Variants in AGAP1 observed in about 807,000 individuals in gnomAD.
AGAP1 encodes arf-GAP with GTPase, ANK repeat and PH domain-containing protein 1.
Under a neutral mutation model 105.3 loss-of-function variants are expected in AGAP1, and 29 were observed. That is an observed-to-expected ratio of 0.28 (90% CI 0.21 to 0.38). The LOEUF (loss-of-function observed/expected upper bound fraction) is 0.38. Ranked by LOEUF, AGAP1 falls within the 10% of genes least tolerant of loss-of-function variation. The probability of loss-of-function intolerance (pLI) is 1.00; values close to 1 mark genes in which losing one functional copy is unlikely to be tolerated. For synonymous variants in AGAP1, 509 were observed against 485.9 expected (o/e 1.05, Z -0.63); for missense variants, 998 against 1,165.1 (o/e 0.86, Z 2.09).
At chr2:236,084,062 GCT>G (rs1378392405) in intron 16 of AGAP1, among the ~76,000 whole-genome samples, 2 of 152,130 alleles carry the variant, frequency 1.3e-5, no homozygotes, top group African/African-American at 2.4e-5. Flanking sequence ...GAGGATTGGC[GCT>G]CTCTGTTCAG....
intron 1 of AGAP1, among the ~76,000 whole-genome samples, chr2:235,672,169 G>A (rs1283106436): frequency 2.0e-5 from 3 of 152,186 alleles, no homozygotes; most frequent in African/African-American, 7.2e-5. Context: ...CCCACCTCTG[G>A]AGAGGGTATT....
intron 1 of AGAP1, among the ~76,000 whole-genome samples, chr2:235,644,800 A>G (rs1228981386): frequency 6.6e-6 from 1 of 152,184 alleles, no homozygotes; most frequent in Non-Finnish European, 1.5e-5. Flanking sequence ...TTGACGCTAT[A>G]GCAATATTAT....
intron 12 of AGAP1, 122 bp from the exon 13 acceptor site, chr2:235,968,340 G>A: frequency 7.8e-7 from 1 of 1,289,038 alleles, no homozygotes; most frequent in Non-Finnish European, 1.0e-6. Context: ...GTAATGGGAT[G>A]TTATTTGCAG....
Position 235,603,385 on chromosome 2 carries a change from C to A in AGAP1, c.164-105794C>A, listed in dbSNP as rs904784900. On this transcript the variant is annotated intron_variant, in intron 1 of 17. Transcript: ENST00000304032. ...GCAGCATGAAAAACGAACTAAGGCA[C>A]CTACTGTATTTGTTTTCTTGTCTGT... 2.0e-5 allele frequency among the ~76,000 whole-genome samples: 3 copies of A among 152,268 alleles called. No homozygotes were observed. In the East Asian group the frequency reaches 5.8e-4, roughly 29 times the overall value.
At chr2:235,589,171 A>C (rs1026443869) in intron 1 of AGAP1, among the ~76,000 whole-genome samples, 1 of 135,800 alleles carries the variant, frequency 7.4e-6, no homozygotes, top group Non-Finnish European at 1.6e-5. Flanking sequence ...TTTGAGAACT[A>C]CCAGTTAATA....
chr2:235,888,379 G>A lies in AGAP1; in HGVS notation c.1155+4930G>A, dbSNP rs1321293884. Among the ~76,000 whole-genome samples, 1 of 152,056 alleles carries A rather than the reference G, an allele frequency of 6.6e-6. No homozygotes were observed. Among genetic ancestry groups the A allele is most frequent in the Non-Finnish European group, 1.5e-5 (1 of 68,012 alleles). The stretch of plus-strand genomic sequence containing the variant: ...CTGTGTGGGATAGGAGGGTCTAGAA[G>A]GCTCGACTCCCCTCCTAGGGCTGCT... On this transcript the variant is annotated intron_variant, in intron 10 of 17. Transcript: ENST00000304032. This position sits in a 1 kb window ranked among gnomAD's most constrained non-coding sequence, Gnocchi z 4.8.
At chr2:235,794,252 T>G (rs1285141994) in intron 6 of AGAP1, among the ~76,000 whole-genome samples, 1 of 152,092 alleles carries the variant, frequency 6.6e-6, no homozygotes, top group Non-Finnish European at 1.5e-5. Context: ...AATTTTAAAA[T>G]TATAGAGGAA....
chr2:235,710,288 A>G (rs988668701), intron 2 of AGAP1, among the ~76,000 whole-genome samples: 1 of 152,226 alleles, frequency 6.6e-6, no homozygotes, highest in African/African-American at 2.4e-5. Context: ...TAGAGCAACA[A>G]AGAACTTCTA....
chr2:235,717,799 T>A (rs528504338), intron 3 of AGAP1, among the ~76,000 whole-genome samples, 155 bp downstream of exon 3: 1 of 152,374 alleles, frequency 6.6e-6, no homozygotes, highest in African/African-American at 2.4e-5. Context: ...GTTTCTTCTG[T>A]AGTATTTTTA....
chr2:236,086,082 C>G (rs1392001401), intron 16 of AGAP1, among the ~76,000 whole-genome samples: 1 of 152,244 alleles, frequency 6.6e-6, no homozygotes, highest in Non-Finnish European at 1.5e-5. Flanking sequence ...TCCTACTGCC[C>G]TTTTCCCCCC....
At chr2:236,100,767 C>T (rs2059326265) in intron 16 of AGAP1, among the ~76,000 whole-genome samples, 1 of 151,228 alleles carries the variant, frequency 6.6e-6, no homozygotes, top group African/African-American at 2.4e-5. Context: ...GAAGCGGAGG[C>T]TGCAGTGAGC....
rs1575644427 is a variant in AGAP1, at chr2:235,864,573, G to A, written c.1051-18772G>A. Among the ~76,000 whole-genome samples the A allele has an allele frequency of 6.6e-6, 1 of 152,300 alleles. No individual in the cohort carries two copies. Among genetic ancestry groups the A allele is most frequent in the Middle Eastern group, 3.4e-3 (1 of 294 alleles). On this transcript the variant is annotated intron_variant, in intron 9 of 17. Transcript: ENST00000304032. This position sits in a 1 kb window ranked among gnomAD's most constrained non-coding sequence, Gnocchi z 5.0. Reference sequence around the variant, plus strand: ...GCATGGAGGGGCAGCCTGCAGAGGTGTCACCAGCAGCCATTAAGTGCAGAT... The same window carrying A: ...GCATGGAGGGGCAGCCTGCAGAGGTATCACCAGCAGCCATTAAGTGCAGAT...
At chr2:235,686,773 C>T (rs1949472668) in intron 1 of AGAP1, among the ~76,000 whole-genome samples, 1 of 149,756 alleles carries the variant, frequency 6.7e-6, no homozygotes. Context: ...CCCACCTTAG[C>T]CACCCAAGTA....
At chr2:236,064,217 G>A (rs889863452) in intron 16 of AGAP1, among the ~76,000 whole-genome samples, 2 of 152,180 alleles carry the variant, frequency 1.3e-5, no homozygotes, top group East Asian at 1.9e-4. Flanking sequence ...AGCCAACAGC[G>A]TGGCTTAGGA....
In AGAP1 at chr2:235,951,584, C is replaced by T. The variant is rs571100529; in HGVS notation, c.1484-16878C>T. On this transcript the variant is annotated intron_variant, in intron 12 of 17. Coordinates refer to ENST00000304032, the MANE Select transcript of AGAP1 (RefSeq NM_001037131.3). The surrounding 1 kb of genome is among the most constrained non-coding windows in gnomAD (Gnocchi z 4.2). Reference sequence around the variant, plus strand: ...AGTTGCACTGAGAAACAGGCGTAAACAGAGGTTGTCCCGGGAAAGGCAGAA... The same window carrying T: ...AGTTGCACTGAGAAACAGGCGTAAATAGAGGTTGTCCCGGGAAAGGCAGAA... Among the ~76,000 whole-genome samples the T allele has an allele frequency of 6.6e-6, 1 of 152,328 alleles. No homozygotes were observed. Among genetic ancestry groups the T allele is most frequent in the African/African-American group, 2.4e-5 (1 of 41,582 alleles).
In AGAP1 at chr2:235,874,671, A is replaced by T. The variant is rs2049621683; in HGVS notation, c.1051-8674A>T. Among the ~76,000 whole-genome samples, 2 of 152,214 alleles carry T rather than the reference A, an allele frequency of 1.3e-5. No individual in the cohort carries two copies. Among genetic ancestry groups the T allele is most frequent in the Non-Finnish European group, 2.9e-5 (2 of 68,042 alleles). Reference sequence around the variant, plus strand: ...TTAGGGGTCAGGACAGGACTTCGTCATGTTTCTGGCTTTGCCTTCATCTAT... The same window carrying T: ...TTAGGGGTCAGGACAGGACTTCGTCTTGTTTCTGGCTTTGCCTTCATCTAT... On this transcript the variant is annotated intron_variant, in intron 9 of 17. Coordinates refer to ENST00000304032, the MANE Select transcript of AGAP1 (RefSeq NM_001037131.3). This position sits in a 1 kb window ranked among gnomAD's most constrained non-coding sequence, Gnocchi z 4.5.
At position 236,104,274 on chromosome 2, in the gene AGAP1, T is replaced by A. The variant is rs566863153; in HGVS notation, c.2115-15918T>A. On this transcript the variant is annotated intron_variant, in intron 16 of 17. Transcript: ENST00000304032. This position sits in a 1 kb window ranked among gnomAD's most constrained non-coding sequence, Gnocchi z 4.7. ...ACCAGGCCAGGCTGACATGGGCAGTTCCAGTTTCCCAAGGCAGTCCAGCCT... is the reference window on the plus strand; with the variant it reads ...ACCAGGCCAGGCTGACATGGGCAGTACCAGTTTCCCAAGGCAGTCCAGCCT... Among the ~76,000 whole-genome samples the A allele has an allele frequency of 9.3e-4, 141 of 152,260 alleles. No homozygotes were observed. The highest frequency in any genetic ancestry group is 1.8e-3 in the Non-Finnish European group (125 of 68,010).
At chr2:235,765,784 C>T (rs1347520509) in intron 6 of AGAP1, among the ~76,000 whole-genome samples, 4 of 152,046 alleles carry the variant, frequency 2.6e-5, no homozygotes, top group African/African-American at 7.3e-5. Flanking sequence ...GTGAGTAAAC[C>T]GTAAGAAAAA....
At chr2:235,791,245 C>CTTAA (rs148323632) in intron 6 of AGAP1, among the ~76,000 whole-genome samples, 39,170 of 151,828 alleles carry the variant, frequency 0.26, 5,378 homozygotes, top group Admixed American at 0.4. Context: ...TTAATTTCTT[C>CTTAA]TTAATAAGAT....
Sources: gnomAD v4.1 joint callset for allele counts (sites outside exome capture counted in the v4.1 genomes callset) on GRCh38, gnomAD v4.1.1 for gene constraint, Gnocchi (gnomAD v3.1) non-coding constraint, MANE v1.5 for transcripts, NCBI Gene and HGNC (gene_info 2026-07-23, HGNC 2026-07-21) for gene names.